The following FAF2 variants were observed in gnomAD, a reference collection of about 807,000 sequenced individuals.
The protein encoded by FAF2 is FAS-associated factor 2.
FAF2 carries 9 observed loss-of-function variants against 62.3 expected under a neutral mutation model. The ratio of observed to expected loss-of-function variants is 0.14; its 90% confidence interval spans 0.09 to 0.25. The LOEUF (loss-of-function observed/expected upper bound fraction) is 0.25, where lower values mean the gene tolerates loss of function less well. Ranked by LOEUF, FAF2 falls within the 10% of genes least tolerant of loss-of-function variation. The pLI, the probability that FAF2 is intolerant of heterozygous loss-of-function variation, is 1.00. For synonymous variants in FAF2, 202 were observed against 198.0 expected (o/e 1.02, Z -0.17); for missense variants, 368 against 556.2 (o/e 0.66, Z 3.40).
At chr5:176,455,817 A>G (rs1466944126) in intron 1 of FAF2, among the ~76,000 whole-genome samples, 1 of 152,188 alleles carries the variant, frequency 6.6e-6, no homozygotes, top group Non-Finnish European at 1.5e-5. Context: ...AAAGAAAACG[A>G]TAGGCTTTTA....
At chr5:176,474,214 C>G (rs1758621869) in intron 1 of FAF2, among the ~76,000 whole-genome samples, 1 of 152,236 alleles carries the variant, frequency 6.6e-6, no homozygotes, top group African/African-American at 2.4e-5. Flanking sequence ...TCTATCCATT[C>G]TAGCCTTCTT....
intron 4 of FAF2, among the ~76,000 whole-genome samples, chr5:176,489,503 C>T (rs976752582): frequency 6.6e-6 from 1 of 152,066 alleles, no homozygotes; most frequent in African/African-American, 2.4e-5. Context: ...GTTGGACCTC[C>T]CTAGACACTC....
intron 2 of FAF2, among the ~76,000 whole-genome samples, chr5:176,480,288 C>CT (rs202212940): frequency 4.1e-5 from 6 of 147,526 alleles, no homozygotes; most frequent in African/African-American, 7.5e-5. Context: ...AACGTGTTCC[C>CT]TTTTTTTTTC....
At chr5:176,492,027 G>C (rs532135501) in intron 4 of FAF2, among the ~76,000 whole-genome samples, 167 bp from the exon 5 acceptor site, 1 of 152,220 alleles carries the variant, frequency 6.6e-6, no homozygotes, top group South Asian at 2.1e-4. Context: ...CTGCTTTATG[G>C]CTTTTGAACC....
intron 1 of FAF2, among the ~76,000 whole-genome samples, chr5:176,454,855 A>G (rs980041940): frequency 2.0e-5 from 3 of 152,158 alleles, no homozygotes; most frequent in Non-Finnish European, 4.4e-5. Context: ...GCATTTCTGC[A>G]AACTCTACTC....
chr5:176,499,196 G>A (rs1158681857), intron 9 of FAF2, 111 bp downstream of exon 9: 4 of 1,011,410 alleles, frequency 4.0e-6, no homozygotes, highest in Admixed American at 4.0e-5. Flanking sequence ...AGACTAAGAG[G>A]GAAAAAAAAA....
intron 1 of FAF2, among the ~76,000 whole-genome samples, chr5:176,450,044 T>C (rs1449490930): frequency 6.6e-6 from 1 of 152,242 alleles, no homozygotes; most frequent in Non-Finnish European, 1.5e-5. Flanking sequence ...GTGCAACTTA[T>C]ATTTCAGTGT....
At chr5:176,495,909 C>T (rs957088895) in intron 7 of FAF2, among the ~76,000 whole-genome samples, 2 of 151,200 alleles carry the variant, frequency 1.3e-5, no homozygotes, top group Non-Finnish European at 2.9e-5. Flanking sequence ...AAGGATTAGG[C>T]AAGAGAAAAA....
Position 176,458,440 on chromosome 5 carries a change from C to T in FAF2, c.63+9970C>T, listed in dbSNP as rs1377937461. ...TTTTTTTTTTTTTGAGACGGAGTCT[C>T]ACTCTCTCACCCACGCTGGAGTGCG... On this transcript the variant is annotated intron_variant, in intron 1 of 10. Coordinates refer to ENST00000261942, the MANE Select transcript of FAF2 (RefSeq NM_014613.3). Among the ~76,000 whole-genome samples the T allele has an allele frequency of 2.6e-5, 2 of 75,904 alleles. 1 individual carries two copies. The highest frequency in any genetic ancestry group is 1.3e-4 in the African/African-American group (2 of 15,488). The allele number at this position is 75,904 out of a possible 152,430, so 49.8% of individuals were successfully genotyped here.
intron 1 of FAF2, among the ~76,000 whole-genome samples, chr5:176,476,445 A>G (rs1758691688): frequency 6.6e-6 from 1 of 152,160 alleles, no homozygotes; most frequent in South Asian, 2.1e-4. Flanking sequence ...AGTGAATATT[A>G]CAGTGAATTG....
At chr5:176,465,366 C>CTTTTTTTTTT (rs70991554) in intron 1 of FAF2, among the ~76,000 whole-genome samples, 8 of 115,722 alleles carry the variant, frequency 6.9e-5, no homozygotes, top group Non-Finnish European at 8.5e-5. Context: ...CTTTTTCTTT[C>CTTTTTTTTTT]TTTTTTTTTT....
At chr5:176,505,627 A>G (rs550757320) in intron 10 of FAF2, among the ~76,000 whole-genome samples, 16 of 152,198 alleles carry the variant, frequency 1.1e-4, no homozygotes, top group African/African-American at 1.4e-4. Flanking sequence ...CCACTCTTCC[A>G]CACAAGTCCC....
chr5:176,451,248 G>A (rs1399412709), intron 1 of FAF2, among the ~76,000 whole-genome samples: 2 of 152,158 alleles, frequency 1.3e-5, no homozygotes, highest in Non-Finnish European at 2.9e-5. Context: ...GCATGTGCCT[G>A]TAATCCCAGC....
chr5:176,452,128 G>C (rs2113713081), intron 1 of FAF2, among the ~76,000 whole-genome samples: 1 of 151,332 alleles, frequency 6.6e-6, no homozygotes, highest in Admixed American at 6.6e-5. Flanking sequence ...TGCGATCTCG[G>C]CTCACTGCAG....
At position 176,509,483 on chromosome 5, in the gene FAF2, T is replaced by G. The variant is rs1755741906; in HGVS notation, c.*2533T>G. 6.6e-6 allele frequency: 1 copy of G among 152,394 alleles called. No individual in the cohort carries two copies. Among genetic ancestry groups the G allele is most frequent in the African/African-American group, 2.4e-5 (1 of 41,446 alleles). The allele number at this position is 152,394 out of a possible 1,614,324, so 9.4% of individuals were successfully genotyped here. A position where few individuals can be genotyped will look rare whatever the true frequency, so the allele number is the denominator to read the frequency against. ...AAAGCACTTGTTTCAAGTTTTGTTC[T>G]GCACTCCCACGACTGAAGTTGTAGA... On this transcript the variant is annotated 3_prime_UTR_variant, in exon 11 of 11. Coordinates refer to ENST00000261942, the MANE Select transcript of FAF2 (RefSeq NM_014613.3).
At position 176,506,945 on chromosome 5, in the gene FAF2, G is replaced by A. The variant is rs765033847; in HGVS notation, c.1333G>A (p.Glu445Lys). 3.3e-6 allele frequency: 5 copies of A among 1,515,864 alleles called. No homozygotes were observed. The highest frequency in any genetic ancestry group is 4.5e-6 in the Non-Finnish European group (5 of 1,123,022). 93.9% of individuals were successfully genotyped at this position (1,515,864 alleles called of 1,614,324 possible). A position where few individuals can be genotyped will look rare whatever the true frequency, so the allele number is the denominator to read the frequency against. The change falls in exon 11 of 11, where the codon GAA (glutamate) becomes AAA (lysine). Residue 445 changes from glutamate to lysine, a missense_variant. Glu to Lys is a moderately conservative substitution (Grantham distance 56). Around this residue, in one of 2 missense-constraint regions of FAF2, gnomAD observed 37 missense variants for 114.3 expected, o/e 0.32. Coordinates refer to ENST00000261942, the MANE Select transcript of FAF2 (RefSeq NM_014613.3). ...TCTTTTTGTTCAGGACCTAACTGAC[G>A]AATGACATTTTTTTCTTCCTGTCCC... ...EVLFVQDLTD[E>K]
chr5:176,486,598 C>T (rs1273801690), intron 3 of FAF2, 109 bp downstream of exon 3: 1 of 1,163,798 alleles, frequency 8.6e-7, no homozygotes. Flanking sequence ...AGAATGTAAA[C>T]CTGTTAGTTA....
chr5:176,493,050 C>G (rs541406376), intron 5 of FAF2, among the ~76,000 whole-genome samples: 3 of 152,254 alleles, frequency 2.0e-5, no homozygotes, highest in African/African-American at 7.2e-5. Context: ...TTTGGTATAT[C>G]TCTAGTTTGC....
At chr5:176,498,674 T>C (rs1755540384) in intron 8 of FAF2, among the ~76,000 whole-genome samples, 1 of 152,194 alleles carries the variant, frequency 6.6e-6, no homozygotes, top group African/African-American at 2.4e-5. Context: ...AGTTTTATTT[T>C]AAAAGAGGAG....
Sources: gnomAD v4.1 joint callset for allele counts (sites outside exome capture counted in the v4.1 genomes callset) on GRCh38, gnomAD v4.1.1 for gene constraint, gnomAD v4.1.1 regional missense constraint, MANE v1.5 for transcripts, NCBI Gene and HGNC (gene_info 2026-07-23, HGNC 2026-07-21) for gene names.